Variants in NALCN observed in about 807,000 individuals in gnomAD.
The protein encoded by NALCN is sodium leak channel NALCN.
NALCN carries 111 observed loss-of-function variants against 225.3 expected under a neutral mutation model. That is an observed-to-expected ratio of 0.49 (90% CI 0.42 to 0.58). The LOEUF (loss-of-function observed/expected upper bound fraction) is 0.58, where lower values mean the gene tolerates loss of function less well. Among genes scored for constraint, NALCN ranks in the 20% least tolerant of loss-of-function variants. The pLI, the probability that NALCN is intolerant of heterozygous loss-of-function variation, is 0.00. For missense variants in NALCN, 1,378 were observed against 2,202.4 expected (o/e 0.63, Z 7.49); for synonymous variants, 764 against 769.0 (o/e 0.99, Z 0.11).
At chr13:101,177,097 G>A (rs2038987771) in intron 14 of NALCN, among the ~76,000 whole-genome samples, 2 of 152,168 alleles carry the variant, frequency 1.3e-5, no homozygotes, top group African/African-American at 4.8e-5. Context: ...GGTCCATGTG[G>A]TGAGGAACTG....
chr13:101,415,994 G>C (rs983868655), intron 1 of NALCN, among the ~76,000 whole-genome samples: 4 of 152,236 alleles, frequency 2.6e-5, no homozygotes, highest in Middle Eastern at 3.4e-3. Flanking sequence ...TCCCAAGCCA[G>C]CCCAGGGGCA....
rs1246509989 is a variant in NALCN at position 101,289,235 on chromosome 13, T to G, written c.1047+2755A>C. Among the ~76,000 whole-genome samples, 8 of 152,130 alleles carry G rather than the reference T, an allele frequency of 5.3e-5. No homozygotes were observed. In the East Asian group the frequency reaches 1.5e-3, roughly 29 times the overall value. On this transcript the variant is annotated intron_variant, in intron 9 of 43. Coordinates refer to ENST00000251127, the MANE Select transcript of NALCN (RefSeq NM_052867.4). ...AGGCTCTCAGAGGCCAGAGTCAATATTTAGTAATTTGAAATTTTCTACATC... is the reference window on the plus strand; with the variant it reads ...AGGCTCTCAGAGGCCAGAGTCAATAGTTAGTAATTTGAAATTTTCTACATC...
At chr13:101,278,291 G>A (rs1251840601) in intron 10 of NALCN, among the ~76,000 whole-genome samples, 3 of 152,090 alleles carry the variant, frequency 2.0e-5, no homozygotes, top group Admixed American at 2.0e-4. Flanking sequence ...TTGGGAGGCC[G>A]AGGTGGGCGG....
At chr13:101,170,840 C>T (rs2038678224) in intron 15 of NALCN, among the ~76,000 whole-genome samples, 1 of 152,216 alleles carries the variant, frequency 6.6e-6, no homozygotes, top group African/African-American at 2.4e-5. Context: ...GATTCCTCCC[C>T]TCAGGCTTTT....
chr13:101,377,191 A>C, intron 4 of NALCN, 135 bp from the exon 5 acceptor site: 5 of 1,084,320 alleles, frequency 4.6e-6, no homozygotes, highest in Non-Finnish European at 6.5e-6. Context: ...TTTCCACCAA[A>C]ATCCACTTTC....
intron 36 of NALCN, 140 bp from the exon 37 acceptor site, chr13:101,073,817 T>G: frequency 1.6e-6 from 1 of 622,664 alleles, no homozygotes; most frequent in Non-Finnish European, 2.7e-6. Flanking sequence ...GTTATACCTT[T>G]TTATTAATTT....
chr13:101,283,624 A>G (rs1440834510), intron 10 of NALCN, among the ~76,000 whole-genome samples: 2 of 152,230 alleles, frequency 1.3e-5, no homozygotes, highest in Non-Finnish European at 2.9e-5. Context: ...CCACTGCCAC[A>G]TAACTCAGTC....
At position 101,232,517 on chromosome 13, in the gene NALCN, C is replaced by T. The variant is rs545966866; in HGVS notation, c.1435-2933G>A. ...CTGGAGTGTAGTGGAGCGATCTCGG[C>T]TCACTGCAAGCTCCACCTCCCGGGT... On this transcript the variant is annotated intron_variant, in intron 12 of 43. Transcript: ENST00000251127. Among the ~76,000 whole-genome samples the T allele has an allele frequency of 2.0e-5, 3 of 150,862 alleles. No individual in the cohort carries two copies. The East Asian group carries it at 5.9e-4, about 30-fold the overall frequency.
intron 30 of NALCN, among the ~76,000 whole-genome samples, chr13:101,088,901 CTTTTTTTT>C (rs2034067473): frequency 1.2e-5 from 1 of 85,112 alleles, no homozygotes; most frequent in Non-Finnish European, 2.2e-5. Context: ...ATCTTTTTTT[CTTTTTTTT>C]CTTTTTTTTT....
chr13:101,172,429 CTAG>C (rs1415061333), intron 15 of NALCN, among the ~76,000 whole-genome samples: 2 of 152,140 alleles, frequency 1.3e-5, no homozygotes, highest in African/African-American at 4.8e-5. Flanking sequence ...AATTTCTTCA[CTAG>C]TACCTTTTCA....
intron 15 of NALCN, among the ~76,000 whole-genome samples, chr13:101,151,597 T>C (rs1408824898): frequency 1.3e-5 from 2 of 152,240 alleles, no homozygotes; most frequent in Non-Finnish European, 2.9e-5. Flanking sequence ...CTCCTCTTTG[T>C]TATGTGAATA....
chr13:101,240,085 C>T (rs900823145), intron 11 of NALCN, among the ~76,000 whole-genome samples: 4 of 151,986 alleles, frequency 2.6e-5, no homozygotes, highest in African/African-American at 7.2e-5. Flanking sequence ...ATACTGCAAA[C>T]ATTTTTTCCC....
chr13:101,085,799 T>C (rs536240823), intron 30 of NALCN, among the ~76,000 whole-genome samples: 2 of 152,302 alleles, frequency 1.3e-5, no homozygotes, highest in East Asian at 3.9e-4. Flanking sequence ...CATATTGAAG[T>C]CTTTAATTCA....
chr13:101,249,195 A>G, intron 11 of NALCN, among the ~76,000 whole-genome samples: 1 of 152,338 alleles, frequency 6.6e-6, no homozygotes, highest in Non-Finnish European at 1.5e-5. Flanking sequence ...AAAACTGTGG[A>G]AATGTGAGAC....
chr13:101,388,213 C>T (rs922334868), intron 3 of NALCN, among the ~76,000 whole-genome samples: 2 of 152,080 alleles, frequency 1.3e-5, no homozygotes, highest in Admixed American at 1.3e-4. Context: ...TCATATTTAA[C>T]TATATTTAAC....
chr13:101,078,231 GAGTCCACACAC>G (rs1020591776), intron 34 of NALCN, among the ~76,000 whole-genome samples: 24 of 12,200 alleles, frequency 2.0e-3, no homozygotes, highest in Non-Finnish European at 4.2e-3. Flanking sequence ...TCCACACACA[GAGTCCACACAC>G]AGAGTCCCCA....
intron 35 of NALCN, among the ~76,000 whole-genome samples, chr13:101,074,908 T>C (rs1281882502): frequency 6.6e-6 from 1 of 152,202 alleles, no homozygotes; most frequent in Non-Finnish European, 1.5e-5. Flanking sequence ...TTATTTTTAC[T>C]TCAAACATTT....
chr13:101,301,043 T>C (rs1260165213), intron 7 of NALCN, among the ~76,000 whole-genome samples: 1 of 152,230 alleles, frequency 6.6e-6, no homozygotes, highest in Non-Finnish European at 1.5e-5. Context: ...TAATAAAGAA[T>C]CATAGTTGAA....
intron 26 of NALCN, among the ~76,000 whole-genome samples, chr13:101,101,281 C>CTTTTTTTTTTTTTTTTTTTT (rs60948311): frequency 1.8e-5 from 2 of 112,370 alleles, no homozygotes; most frequent in Admixed American, 1.1e-4. Flanking sequence ...ATTTTTTTTT[C>CTTTTTTTTTTTTTTTTTTTT]TTTTTTTTTT....
Sources: gnomAD v4.1 joint callset for allele counts (sites outside exome capture counted in the v4.1 genomes callset) on GRCh38, gnomAD v4.1.1 for gene constraint, MANE v1.5 for transcripts, NCBI Gene and HGNC (gene_info 2026-07-23, HGNC 2026-07-21) for gene names.